Variants in AXIN2 observed in about 807,000 individuals in gnomAD.
AXIN2 encodes the protein axin 2, also known as axin-2.
A neutral mutation model predicts 74.7 loss-of-function variants in AXIN2; 21 were observed. The observed-to-expected ratio is 0.28, with a 90% CI of 0.20 to 0.40. The LOEUF (loss-of-function observed/expected upper bound fraction) is 0.40. AXIN2 is among the 10% of genes least tolerant of loss of function. The pLI is 1.00. For synonymous variants in AXIN2, 532 were observed against 454.9 expected (o/e 1.17, Z -2.16); for missense variants, 1,144 against 1,111.1 (o/e 1.03, Z -0.42).
intron 2 of AXIN2, among the ~76,000 whole-genome samples, chr17:65,556,175 C>T (rs2044264098): frequency 6.6e-6 from 1 of 152,134 alleles, no homozygotes; most frequent in Non-Finnish European, 1.5e-5. Flanking sequence ...CTGGGGAGGG[C>T]GTCCAAAACC....
intron 9 of AXIN2, 103 bp from the exon 10 acceptor site, chr17:65,534,182 A>C: frequency 7.1e-7 from 1 of 1,408,146 alleles, no homozygotes; most frequent in Non-Finnish European, 1.0e-6. Flanking sequence ...AGGGTATCCA[A>C]ACACTAGGGC....
At chr17:65,543,074 T>C (rs1394492487) in intron 3 of AXIN2, among the ~76,000 whole-genome samples, 1 of 152,084 alleles carries the variant, frequency 6.6e-6, no homozygotes, top group East Asian at 1.9e-4. Context: ...CAAACCAATG[T>C]ATGTTAACCA....
intron 9 of AXIN2, among the ~76,000 whole-genome samples, chr17:65,535,271 A>C (rs1050925979): frequency 6.6e-6 from 1 of 152,190 alleles, no homozygotes; most frequent in African/African-American, 2.4e-5. Context: ...CACCTCTGCC[A>C]CAGTGGAGAA....
rs373339394 is a variant in AXIN2, at chr17:65,536,934, G to C, written c.1842C>G (p.Asp614Glu). 9 of 1,613,536 alleles carry C rather than the reference G, an allele frequency of 5.6e-6. No homozygotes were observed. The highest frequency in any genetic ancestry group is 7.6e-6 in the Non-Finnish European group (9 of 1,179,994). ...TCCACTGCCAGACATCCTGCGACCT[G>C]TCTCCTTCCTCCCGGGGAAGCTGCA... ...GALQLPREEG[D>E]RSQDVWQWML... Residue 614 changes from aspartate to glutamate, a missense_variant, in exon 7 of 11, where the codon GAC (aspartate) becomes GAG (glutamate). Asp to Glu is a conservative substitution (Grantham distance 45). This residue lies in a region of AXIN2 where 1,053 missense variants were observed against 973.5 expected (regional missense o/e 1.08). Transcript: ENST00000307078.
rs878854727 is a variant in AXIN2 at position 65,530,019 on chromosome 17, A to T, written c.2489T>A (p.Met830Lys). 6.2e-6 allele frequency: 10 copies of T among 1,614,056 alleles called. No individual in the cohort carries two copies. The highest frequency in any genetic ancestry group is 7.6e-6 in the Non-Finnish European group (9 of 1,180,038). The change falls in exon 11 of 11, where the codon ATG (methionine) becomes AAG (lysine). Residue 830 changes from methionine to lysine, a missense_variant. Physicochemically the swap from Met to Lys is moderately conservative, Grantham distance 95. Around this residue, in one of 4 missense-constraint regions of AXIN2, gnomAD observed 65 missense variants for 95.7 expected, o/e 0.68. Coordinates refer to ENST00000307078, the MANE Select transcript of AXIN2 (RefSeq NM_004655.4). Reference sequence around the variant, plus strand: ...TTTGCCCAGAATCCGGCCTTCATACATCGGGAGCACCGTCTCATCCTCCCA... The same window carrying T: ...TTTGCCCAGAATCCGGCCTTCATACTTCGGGAGCACCGTCTCATCCTCCCA... ...EIWEDETVLP[M>K]YEGRILGKVE...
chr17:65,552,560 C>T (rs1207624587), intron 2 of AXIN2, among the ~76,000 whole-genome samples: 1 of 152,192 alleles, frequency 6.6e-6, no homozygotes, highest in Admixed American at 6.5e-5. Context: ...GGCTGCAGTG[C>T]TCACTGCTGG....
In AXIN2 at chr17:65,536,648, TCA is replaced by T. The variant is rs772221486; in HGVS notation, c.1908-97_1908-96del. ...TTCAATAGAAACTTGTCTATTCTGCTCAGAGAGAGAGTTAAAAAAAAAACTAC... is the reference window on the plus strand; with the variant it reads ...TTCAATAGAAACTTGTCTATTCTGCTGAGAGAGAGTTAAAAAAAAAACTAC... On this transcript the variant is annotated intron_variant, in intron 7 of 10. Coordinates refer to ENST00000307078, the MANE Select transcript of AXIN2 (RefSeq NM_004655.4). 9.2e-5 allele frequency: 137 copies of T among 1,481,234 alleles called. 2 individuals are homozygous for T. Among genetic ancestry groups the T allele is most frequent in the Middle Eastern group, 5.2e-4 (3 of 5,786 alleles). 91.8% of individuals were successfully genotyped at this position (1,481,234 alleles called of 1,614,324 possible). A position where few individuals can be genotyped will look rare whatever the true frequency, so the allele number is the denominator to read the frequency against.
At chr17:65,543,902 C>T (rs530167224) in intron 3 of AXIN2, among the ~76,000 whole-genome samples, 1 of 152,324 alleles carries the variant, frequency 6.6e-6, no homozygotes, top group Admixed American at 6.5e-5. Flanking sequence ...CCCCATCTCT[C>T]ACCTAAGATA....
In AXIN2 at chr17:65,529,284, TTGA is replaced by T. The variant is rs2043777406; in HGVS notation, c.*689_*691del. The T allele has an allele frequency of 2.5e-5, 6 of 236,076 alleles. No individual in the cohort carries two copies. In the Admixed American group the frequency reaches 2.7e-4, roughly 11 times the overall value. The allele number at this position is 236,076 out of a possible 1,614,324, so 14.6% of individuals were successfully genotyped here. A position where few individuals can be genotyped will look rare whatever the true frequency, so the allele number is the denominator to read the frequency against. ...CCCATCCAACACAACCCCCAAAATG[TTGA>T]TGATGACGCAACATGGTCAACCCTC... On this transcript the variant is annotated 3_prime_UTR_variant, in exon 11 of 11. Transcript: ENST00000307078.
rs752081909 is a variant in AXIN2 at position 65,558,023 on chromosome 17, C to T, written c.598G>A (p.Val200Met). ...GCTGTGTTTTCTCCCCCACTCCTCA[C>T]ATATTCGAGGTATATATCAGAAGTC... ...FLTSDIYLEY[V>M]RSGGENTAYM... The change falls in exon 2 of 11, where the codon GTG becomes ATG. Residue 200 changes from valine (V) to methionine (M), a missense_variant. Physicochemically the swap from Val to Met is conservative, Grantham distance 21. Around this residue, in one of 4 missense-constraint regions of AXIN2, gnomAD observed 1,053 missense variants for 973.5 expected, o/e 1.08. Transcript: ENST00000307078. The T allele has an allele frequency of 2.2e-5, 36 of 1,614,084 alleles. No individual in the cohort carries two copies. Among genetic ancestry groups the T allele is most frequent in the Non-Finnish European group, 2.8e-5 (33 of 1,180,052 alleles).
At chr17:65,550,922 GAGA>G (rs1484004637) in intron 2 of AXIN2, among the ~76,000 whole-genome samples, 1 of 152,150 alleles carries the variant, frequency 6.6e-6, no homozygotes, top group Admixed American at 6.6e-5. Context: ...ACGAGGAGGG[GAGA>G]AGGAGCACTG....
intron 1 of AXIN2, chr17:65,560,291 G>A (rs1221905296): frequency 6.6e-6 from 1 of 152,276 alleles, no homozygotes; most frequent in Non-Finnish European, 1.5e-5. Flanking sequence ...GGGCGCCCCG[G>A]ACTTGGGCCG....
At chr17:65,558,872 T>G (rs1271853373) in intron 1 of AXIN2, 136 bp from the exon 2 acceptor site, 1 of 554,096 alleles carries the variant, frequency 1.8e-6, no homozygotes, top group African/African-American at 1.9e-5. Flanking sequence ...GCAACCCAGC[T>G]ATCTGCGAGG....
intron 2 of AXIN2, among the ~76,000 whole-genome samples, chr17:65,550,577 G>T (rs552692394): frequency 2.0e-5 from 3 of 152,142 alleles, no homozygotes; most frequent in African/African-American, 7.2e-5. Context: ...GCCTGAAGTC[G>T]CAGGAGGCCT....
intron 3 of AXIN2, among the ~76,000 whole-genome samples, chr17:65,544,663 AC>A (rs1199499987): frequency 2.1e-4 from 32 of 152,272 alleles, no homozygotes; most frequent in African/African-American, 7.7e-4. Flanking sequence ...GCTGGAGAGC[AC>A]CAGAGTTGTG....
At position 65,528,960 on chromosome 17, in the gene AXIN2, G is replaced by A. The variant is rs746778698; in HGVS notation, c.*1016C>T. 4.0e-4 allele frequency: 110 copies of A among 276,166 alleles called. No individual in the cohort carries two copies. The highest frequency in any genetic ancestry group is 6.7e-4 in the Non-Finnish European group (98 of 147,054). The allele number at this position is 276,166 out of a possible 1,614,324, so 17.1% of individuals were successfully genotyped here. On this transcript the variant is annotated 3_prime_UTR_variant, in exon 11 of 11. Coordinates refer to ENST00000307078, the MANE Select transcript of AXIN2 (RefSeq NM_004655.4). The stretch of plus-strand genomic sequence containing the variant: ...ACAGATTAACTTAACACAAAAACCC[G>A]AACATCAAAATGAAGGTGTGTGGAG...
At chr17:65,553,823 C>A (rs1207411061) in intron 2 of AXIN2, among the ~76,000 whole-genome samples, 1 of 95,236 alleles carries the variant, frequency 1.1e-5, no homozygotes, top group African/African-American at 4.2e-5. Context: ...GGGCTGTTTT[C>A]TTGTGATTAC....
intron 3 of AXIN2, 134 bp from the exon 4 acceptor site, chr17:65,541,691 C>T: frequency 2.6e-6 from 2 of 777,876 alleles, no homozygotes; most frequent in South Asian, 2.8e-5. Context: ...CACATGTCTC[C>T]AGATACCATC....
chr17:65,560,444 G>A (rs2044349436), intron 1 of AXIN2: 1 of 151,414 alleles, frequency 6.6e-6, no homozygotes, highest in South Asian at 2.1e-4. Context: ...GAGGGCAAGC[G>A]GGGGGCGCCG....
Sources: allele counts gnomAD v4.1 joint callset (sites outside exome capture counted in the v4.1 genomes callset), GRCh38; gene constraint gnomAD v4.1.1; regional missense constraint gnomAD v4.1.1; transcripts MANE v1.5; gene names NCBI Gene and HGNC (gene_info 2026-07-23, HGNC 2026-07-21).